The following DDX59 variants were observed in gnomAD, a reference collection of about 807,000 sequenced individuals.
DDX59 encodes the protein DEAD-box helicase 59.
Under a neutral mutation model 51.9 loss-of-function variants are expected in DDX59, and 30 were observed. The ratio of observed to expected loss-of-function variants is 0.58; its 90% CI spans 0.43 to 0.78. The LOEUF (loss-of-function observed/expected upper bound fraction) is 0.78, where lower values mean the gene tolerates loss of function less well. Ranked by LOEUF, DDX59 falls within the 30% of genes least tolerant of loss-of-function variation. DDX59 has a pLI of 0.00. For missense variants in DDX59, 672 were observed against 730.8 expected (o/e 0.92, Z 0.93); for synonymous variants, 255 against 253.3 (o/e 1.01, Z -0.06).
downstream of DDX59, among the ~76,000 whole-genome samples, chr1:200,641,478 C>CCTGTAA (rs1558108935): frequency 2.0e-5 from 3 of 151,638 alleles, no homozygotes; most frequent in Admixed American, 6.6e-5. Flanking sequence ...GGCGTGGTGG[C>CCTGTAA]TCCCAGCACT....
downstream of DDX59, chr1:200,641,332 T>A: frequency 1.5e-6 from 1 of 677,360 alleles, no homozygotes; most frequent in Non-Finnish European, 2.2e-6. Flanking sequence ...ATTAAATTAA[T>A]CAGTGAGTCA....
intron 4 of DDX59, 99 bp downstream of exon 4, chr1:200,658,928 G>C (rs1436868489): frequency 1.9e-6 from 2 of 1,036,152 alleles, no homozygotes; most frequent in East Asian, 5.0e-5. Context: ...TTTTTTTTGA[G>C]AGAGAGAAAA....
Position 200,648,409 on chromosome 1 carries a change from A to G in DDX59, c.1596+30T>C, listed in dbSNP as rs1661432974. The G allele has an allele frequency of 2.5e-6, 4 of 1,608,838 alleles. No homozygotes were observed. The African/African-American group carries it at 4.0e-5, about 16-fold the overall frequency. On this transcript the variant is annotated intron_variant, in intron 7 of 7. Coordinates refer to ENST00000331314, the MANE Select transcript of DDX59 (RefSeq NM_001031725.6). ...GCCTTTCCCAATAAAACTCGTGAACAAAATAGTGGTAACATATAAAGCTCC... is the reference window on the plus strand; with the variant it reads ...GCCTTTCCCAATAAAACTCGTGAACGAAATAGTGGTAACATATAAAGCTCC...
At chr1:200,641,932 G>A (rs1661061327), downstream of DDX59, among the ~76,000 whole-genome samples, 1 of 152,198 alleles carries the variant, frequency 6.6e-6, no homozygotes, top group Non-Finnish European at 1.5e-5. Context: ...GAACCTGGGA[G>A]GTGGAGGTTG....
At position 200,649,172 on chromosome 1, in the gene DDX59, C is replaced by T. The variant is rs1246766808; in HGVS notation, c.1369G>A (p.Ala457Thr). Residue 457 changes from alanine (A) to threonine (T), a missense_variant, in exon 6 of 8, where the codon GCA (alanine) becomes ACA (threonine). Coordinates refer to ENST00000331314, the MANE Select transcript of DDX59 (RefSeq NM_001031725.6). ...VLVFVDCKLGADLLSEAVQKI... is the reference protein window; with the variant it reads ...VLVFVDCKLGTDLLSEAVQKI... ...TGAACGGCTTCACTCAAAAGATCTG[C>T]TCCTAGTTTGCAGTCCACAAATACT... is the stretch of plus-strand genomic sequence containing the variant. The T allele has an allele frequency of 6.3e-7, 1 of 1,598,810 alleles. No individual in the cohort carries two copies.
chr1:200,648,037 G>A (rs1320919631), intron 7 of DDX59, among the ~76,000 whole-genome samples: 3 of 139,362 alleles, frequency 2.2e-5, no homozygotes, highest in Non-Finnish European at 3.1e-5. Context: ...TTTTGGGGGG[G>A]GGGAGGGGGG....
intron 7 of DDX59, among the ~76,000 whole-genome samples, chr1:200,647,884 G>A (rs1027577039): frequency 2.6e-5 from 4 of 151,564 alleles, no homozygotes; most frequent in Non-Finnish European, 5.9e-5. Context: ...TGAGGCACAA[G>A]GATCCCTTGA....
At chr1:200,656,140 A>AT (rs1312721503) in intron 4 of DDX59, among the ~76,000 whole-genome samples, 5 of 151,970 alleles carry the variant, frequency 3.3e-5, no homozygotes, top group African/African-American at 1.2e-4. Context: ...ATACAGTTCA[A>AT]TTTTTTCACT....
In DDX59 at chr1:200,648,440, T is replaced by G; in HGVS notation, c.1595A>C (p.Gln532Pro). Reference sequence around the variant, plus strand: ...GTGGTAACATATAAAGCTCCTTACCTGATGGACATACTCATCCATACTTGA... The same window carrying G: ...GTGGTAACATATAAAGCTCCTTACCGGATGGACATACTCATCCATACTTGA... ...MPSSMDEYVHQIGRVGRLGQN... is the reference protein window; with the variant it reads ...MPSSMDEYVHPIGRVGRLGQN... Residue 532 changes from glutamine to proline, a missense_variant and splice_region_variant, in exon 7 of 8, where the codon CAG becomes CCG. Gln to Pro is a moderately conservative substitution (Grantham distance 76). Coordinates refer to ENST00000331314, the MANE Select transcript of DDX59 (RefSeq NM_001031725.6). 1 of 1,614,010 alleles carries G rather than the reference T, an allele frequency of 6.2e-7. No homozygotes were observed. The highest frequency in any genetic ancestry group is 8.5e-7 in the Non-Finnish European group (1 of 1,179,914).
At chr1:200,662,836 G>A (rs1662465226) in intron 3 of DDX59, among the ~76,000 whole-genome samples, 1 of 152,126 alleles carries the variant, frequency 6.6e-6, no homozygotes, top group African/African-American at 2.4e-5. Flanking sequence ...CAAATTTGAT[G>A]CCCATCAAAA....
rs749575489 is a variant in DDX59 at position 200,662,202 on chromosome 1, CAAT to C, written c.972+1714_972+1716del. Among the ~76,000 whole-genome samples, 15 of 152,206 alleles carry C rather than the reference CAAT, an allele frequency of 9.9e-5. No individual in the cohort carries two copies. The East Asian group carries it at 1.7e-3, about 18-fold the overall frequency. ...AGCAGTGCAAGCATGGACTAATACACAATGTTAATTTCCTGATTCCATAATTGT... is the reference window on the plus strand; with the variant it reads ...AGCAGTGCAAGCATGGACTAATACACGTTAATTTCCTGATTCCATAATTGT... On this transcript the variant is annotated intron_variant, in intron 3 of 7. Transcript: ENST00000331314.
intron 4 of DDX59, 86 bp from the exon 5 acceptor site, chr1:200,650,762 T>C (rs1661610099): frequency 2.5e-6 from 3 of 1,199,602 alleles, no homozygotes; most frequent in Admixed American, 3.1e-5. Flanking sequence ...ATTAACAATA[T>C]AAAAATTAAA....
At position 200,644,895 on chromosome 1, in the gene DDX59, C is replaced by CAAAAA. The variant is rs60033922; in HGVS notation, c.1597-383_1597-379dup. Among the ~76,000 whole-genome samples, 10 of 80,958 alleles carry CAAAAA rather than the reference C, an allele frequency of 1.2e-4. No individual in the cohort carries two copies. In the East Asian group the frequency reaches 1.3e-3, roughly 11 times the overall value. 53.1% of individuals were successfully genotyped at this position (80,958 alleles called of 152,430 possible). ...TGGGTGGCAGAAAAAGACTCCATCT[C>CAAAAA]AAAAAAAAAAAAAAAAAAAAAAGGA... On this transcript the variant is annotated intron_variant, in intron 7 of 7. Coordinates refer to ENST00000331314, the MANE Select transcript of DDX59 (RefSeq NM_001031725.6).
chr1:200,650,939 T>C (rs980856524), intron 4 of DDX59, among the ~76,000 whole-genome samples: 7 of 152,138 alleles, frequency 4.6e-5, no homozygotes, highest in African/African-American at 1.7e-4. Context: ...TATTCATCAG[T>C]AGGGGATTTG....
intron 7 of DDX59, among the ~76,000 whole-genome samples, chr1:200,648,226 C>T (rs562872641): frequency 6.6e-6 from 1 of 152,040 alleles, no homozygotes. Context: ...TGGGTTTTTG[C>T]CATGTTGGCC....
intron 3 of DDX59, among the ~76,000 whole-genome samples, chr1:200,663,031 C>T (rs1350992352): frequency 1.3e-5 from 2 of 152,146 alleles, no homozygotes; most frequent in Non-Finnish European, 2.9e-5. Flanking sequence ...TCAGATAAAT[C>T]TGATTTGACC....
At chr1:200,641,080 G>T, downstream of DDX59, 1 of 936,268 alleles carries the variant, frequency 1.1e-6, no homozygotes, top group Non-Finnish European at 1.5e-6. Flanking sequence ...TCTGTCCGGA[G>T]TCAGTTTACT....
chr1:200,662,295 T>TAGGG (rs1476988895), intron 3 of DDX59, among the ~76,000 whole-genome samples: 1 of 152,174 alleles, frequency 6.6e-6, no homozygotes, highest in Non-Finnish European at 1.5e-5. Flanking sequence ...ATGGGGGTGA[T>TAGGG]AGGGCATCAA....
chr1:200,664,178 C>A lies in DDX59; in HGVS notation c.805-92G>T, dbSNP rs923040310. ...TTCACAAGGATTCCAGGAACATGGCCCCTTTAAAGTGTTCCCAACTGGGTA... is the reference window on the plus strand; with the variant it reads ...TTCACAAGGATTCCAGGAACATGGCACCTTTAAAGTGTTCCCAACTGGGTA... On this transcript the variant is annotated intron_variant, in intron 2 of 7. Coordinates refer to ENST00000331314, the MANE Select transcript of DDX59 (RefSeq NM_001031725.6). The A allele has an allele frequency of 4.3e-6, 6 of 1,405,842 alleles. No homozygotes were observed. The African/African-American group carries it at 7.2e-5, about 17-fold the overall frequency. The allele number at this position is 1,405,842 out of a possible 1,614,324, so 87.1% of individuals were successfully genotyped here.
Sources: gnomAD v4.1 joint callset for allele counts (sites outside exome capture counted in the v4.1 genomes callset) on GRCh38, gnomAD v4.1.1 for gene constraint, MANE v1.5 for transcripts, NCBI Gene and HGNC (gene_info 2026-07-23, HGNC 2026-07-21) for gene names.